NKAIN3: variants seen among roughly 807,000 people sequenced by gnomAD.
The protein encoded by NKAIN3 is sodium/potassium-transporting ATPase subunit beta-1-interacting protein 3.
A neutral mutation model predicts 30.2 loss-of-function variants in NKAIN3; 25 were observed. That is an observed-to-expected ratio of 0.83 (90% CI 0.60 to 1.16). The LOEUF is 1.16. NKAIN3 is among the 50% of genes most tolerant of loss of function. The pLI, the probability that NKAIN3 is intolerant of heterozygous loss-of-function variation, is 0.00. For missense variants in NKAIN3, 225 were observed against 254.1 expected (o/e 0.89, Z 0.78); for synonymous variants, 91 against 89.6 (o/e 1.02, Z -0.09).
Position 62,899,220 on chromosome 8 carries a change from G to A in NKAIN3, c.472-19233G>A, listed in dbSNP as rs190156234. ...AGAGCTTCCATACAATCCAGCAATCGCACTGCTGGGTAAATATTCAAAAGA... is the reference window on the plus strand; with the variant it reads ...AGAGCTTCCATACAATCCAGCAATCACACTGCTGGGTAAATATTCAAAAGA... On this transcript the variant is annotated intron_variant, in intron 4 of 6. Transcript: ENST00000623646. Among the ~76,000 whole-genome samples the A allele has an allele frequency of 1.2e-4, 19 of 152,276 alleles. No homozygotes were observed. The East Asian group carries it at 1.9e-3, about 15-fold the overall frequency.
At chr8:62,353,308 A>T (rs1004577653) in intron 1 of NKAIN3, among the ~76,000 whole-genome samples, 2 of 152,352 alleles carry the variant, frequency 1.3e-5, no homozygotes, top group African/African-American at 4.8e-5. Flanking sequence ...TAGCCCAGGG[A>T]TTTTAATGCA....
At chr8:62,335,978 G>C (rs1815538802) in intron 1 of NKAIN3, among the ~76,000 whole-genome samples, 1 of 152,022 alleles carries the variant, frequency 6.6e-6, no homozygotes, top group South Asian at 2.1e-4. Context: ...AAAATTCACA[G>C]AGACATATAT....
At chr8:62,942,963 A>G (rs1823009481) in intron 5 of NKAIN3, among the ~76,000 whole-genome samples, 1 of 152,190 alleles carries the variant, frequency 6.6e-6, no homozygotes, top group Admixed American at 6.6e-5. Flanking sequence ...ACCCTTCTAG[A>G]CATTGGCTTA....
chr8:62,327,379 G>T (rs1231068456), intron 1 of NKAIN3, among the ~76,000 whole-genome samples: 1 of 152,000 alleles, frequency 6.6e-6, no homozygotes, highest in Non-Finnish European at 1.5e-5. Context: ...TCATATTCAA[G>T]AAGTAATTTC....
At chr8:62,603,021 A>T (rs1811029083) in intron 3 of NKAIN3, among the ~76,000 whole-genome samples, 1 of 152,122 alleles carries the variant, frequency 6.6e-6, no homozygotes, top group African/African-American at 2.4e-5. Context: ...TTATATTCAA[A>T]TGCTTTTCTG....
At chr8:62,398,560 T>A (rs1168756114) in intron 1 of NKAIN3, among the ~76,000 whole-genome samples, 1 of 152,194 alleles carries the variant, frequency 6.6e-6, no homozygotes, top group African/African-American at 2.4e-5. Context: ...ATGGTAGTAA[T>A]TTAAAAGTTT....
At chr8:62,801,913 G>C (rs926926449) in intron 4 of NKAIN3, among the ~76,000 whole-genome samples, 1 of 152,168 alleles carries the variant, frequency 6.6e-6, no homozygotes, top group Non-Finnish European at 1.5e-5. Context: ...CCAATACAGA[G>C]AAGTGCTTAA....
At chr8:62,255,002 A>G (rs138904913) in intron 1 of NKAIN3, among the ~76,000 whole-genome samples, 360 of 152,336 alleles carry the variant, frequency 2.4e-3, no homozygotes, top group African/African-American at 7.8e-3. Flanking sequence ...GAAGAGTGTT[A>G]TGGGAAGAAT....
At chr8:62,254,402 A>T (rs939539807) in intron 1 of NKAIN3, among the ~76,000 whole-genome samples, 3 of 152,196 alleles carry the variant, frequency 2.0e-5, no homozygotes, top group African/African-American at 7.2e-5. Flanking sequence ...GAGAGAGTAC[A>T]TAGTTGAGAC....
chr8:62,957,038 C>T (rs1277828585), intron 6 of NKAIN3, among the ~76,000 whole-genome samples: 1 of 152,196 alleles, frequency 6.6e-6, no homozygotes, highest in Non-Finnish European at 1.5e-5. Context: ...ACTAAGCATA[C>T]TTTTACCATG....
At chr8:62,325,319 T>C (rs1316835729) in intron 1 of NKAIN3, among the ~76,000 whole-genome samples, 1 of 152,170 alleles carries the variant, frequency 6.6e-6, no homozygotes, top group Non-Finnish European at 1.5e-5. Context: ...TTTCATTCCT[T>C]TTTATAGCTG....
At position 62,323,760 on chromosome 8, in the gene NKAIN3, T is replaced by C. The variant is rs532206613; in HGVS notation, c.54+74633T>C. ...ACTGTGATACATCCAGACAATGAAA[T>C]ATTATTGACCAATACAAAGATATGA... On this transcript the variant is annotated intron_variant, in intron 1 of 6. Transcript: ENST00000623646. Among the ~76,000 whole-genome samples, 7 of 152,188 alleles carry C rather than the reference T, an allele frequency of 4.6e-5. No individual in the cohort carries two copies. In the South Asian group the frequency reaches 1.5e-3, roughly 32 times the overall value.
In NKAIN3 at chr8:62,972,321, T is replaced by C. The variant is rs1306447179; in HGVS notation, c.*6914T>C. Among the ~76,000 whole-genome samples, 1 of 152,102 alleles carries C rather than the reference T, an allele frequency of 6.6e-6. No individual in the cohort carries two copies. Among genetic ancestry groups the C allele is most frequent in the Non-Finnish European group, 1.5e-5 (1 of 68,010 alleles). On this transcript the variant is annotated 3_prime_UTR_variant, in exon 7 of 7. Coordinates refer to ENST00000623646, the MANE Select transcript of NKAIN3 (RefSeq NM_001304533.3). ...TGAGTATTCAAATTGTCCAAAAAAA[T>C]ATACAAGTGAGGGAATTAATAAAAT...
intron 3 of NKAIN3, among the ~76,000 whole-genome samples, chr8:62,726,411 T>C (rs1231116044): frequency 3.3e-5 from 5 of 152,090 alleles, no homozygotes; most frequent in African/African-American, 1.2e-4. Context: ...CTTCATTTAG[T>C]ATAATACTAG....
In NKAIN3 at chr8:62,972,629, T is replaced by A. The variant is rs1202291364; in HGVS notation, c.*7222T>A. On this transcript the variant is annotated 3_prime_UTR_variant, in exon 7 of 7. Coordinates refer to ENST00000623646, the MANE Select transcript of NKAIN3 (RefSeq NM_001304533.3). ...GTGAATAAATCCACCCCAAAATTCC[T>A]TTGCAGATCTTGAGTATTTGCCAAT... Among the ~76,000 whole-genome samples, 1 of 152,142 alleles carries A rather than the reference T, an allele frequency of 6.6e-6. No homozygotes were observed. The highest frequency in any genetic ancestry group is 1.5e-5 in the Non-Finnish European group (1 of 68,032).
At chr8:62,437,974 T>C (rs890216141) in intron 1 of NKAIN3, among the ~76,000 whole-genome samples, 14 of 152,352 alleles carry the variant, frequency 9.2e-5, no homozygotes, top group African/African-American at 3.4e-4. Flanking sequence ...ACCCTGTGTG[T>C]TATTCTTACT....
intron 1 of NKAIN3, among the ~76,000 whole-genome samples, chr8:62,333,976 G>A (rs540511880): frequency 4.6e-5 from 7 of 152,032 alleles, no homozygotes; most frequent in African/African-American, 1.4e-4. Flanking sequence ...GACCAGAGGC[G>A]CAGAATGACT....
chr8:62,851,311 C>T (rs932595030), intron 4 of NKAIN3, among the ~76,000 whole-genome samples: 2 of 152,104 alleles, frequency 1.3e-5, no homozygotes, highest in African/African-American at 4.8e-5. Context: ...GATTTTGTAT[C>T]CTGAGACTTT....
intron 3 of NKAIN3, among the ~76,000 whole-genome samples, chr8:62,704,226 A>G (rs1365099556): frequency 2.6e-5 from 4 of 151,838 alleles, no homozygotes; most frequent in Non-Finnish European, 4.4e-5. Flanking sequence ...TTTTAACTGT[A>G]TTTTCTAAAC....
Sources: allele counts gnomAD v4.1 joint callset (sites outside exome capture counted in the v4.1 genomes callset), GRCh38; gene constraint gnomAD v4.1.1; transcripts MANE v1.5; gene names NCBI Gene and HGNC (gene_info 2026-07-23, HGNC 2026-07-21).